The following WWOX variants were observed in gnomAD, a reference collection of about 807,000 sequenced individuals.
WWOX encodes WW domain containing oxidoreductase, also known as WW domain-containing oxidoreductase.
In WWOX, 69 loss-of-function variants were observed where a neutral mutation model predicts 46.2. The ratio of observed to expected loss-of-function variants is 1.49; its 90% CI spans 1.23 to 1.82. The LOEUF is 1.82. Among genes scored for constraint, WWOX ranks in the 40% most tolerant of loss-of-function variants. WWOX has a pLI of 0.00. For missense variants in WWOX, 919 were observed against 542.6 expected (o/e 1.69, Z -6.89); for synonymous variants, 359 against 202.6 (o/e 1.77, Z -6.56).
At chr16:78,943,519 T>C (rs995857886) in intron 8 of WWOX, among the ~76,000 whole-genome samples, 1 of 152,180 alleles carries the variant, frequency 6.6e-6, no homozygotes, top group Non-Finnish European at 1.5e-5. Context: ...CATGGGGTTA[T>C]CGAGCTTTAT....
intron 8 of WWOX, among the ~76,000 whole-genome samples, chr16:78,793,862 G>A (rs746430380): frequency 6.6e-6 from 1 of 151,872 alleles, no homozygotes; most frequent in African/African-American, 2.4e-5. Context: ...AATCATTTGA[G>A]GGCAGGAGTT....
chr16:78,849,255 C>T (rs571644469), intron 8 of WWOX, among the ~76,000 whole-genome samples: 5 of 152,208 alleles, frequency 3.3e-5, no homozygotes, highest in Admixed American at 6.5e-5. Context: ...CTAGAAATTG[C>T]GAAGTCACGA....
At chr16:78,813,624 A>G (rs1456484026) in intron 8 of WWOX, among the ~76,000 whole-genome samples, 2 of 152,056 alleles carry the variant, frequency 1.3e-5, no homozygotes, top group Non-Finnish European at 2.9e-5. Flanking sequence ...TTCATCACGT[A>G]TCCATTGTGT....
chr16:78,767,125 C>T (rs1306388587), intron 8 of WWOX, among the ~76,000 whole-genome samples: 1 of 129,286 alleles, frequency 7.7e-6, no homozygotes, highest in Non-Finnish European at 1.6e-5. Flanking sequence ...TTCTTTCCTT[C>T]CTTCCTTCCA....
intron 3 of WWOX, among the ~76,000 whole-genome samples, chr16:78,114,215 C>T (rs1349686434): frequency 6.6e-6 from 1 of 151,716 alleles, no homozygotes. Context: ...ATCCTCCTAC[C>T]TCAGCCTCCC....
At chr16:78,789,142 C>T (rs1043807960) in intron 8 of WWOX, among the ~76,000 whole-genome samples, 1 of 152,094 alleles carries the variant, frequency 6.6e-6, no homozygotes, top group African/African-American at 2.4e-5. Context: ...GGTGTCACCC[C>T]TCCTCTCGCA....
At chr16:79,156,156 C>T (rs994960241) in intron 8 of WWOX, among the ~76,000 whole-genome samples, 3 of 152,082 alleles carry the variant, frequency 2.0e-5, no homozygotes, top group African/African-American at 4.8e-5. Flanking sequence ...GTAGGTCTAG[C>T]AATTGGAGGT....
At chr16:78,320,406 C>T (rs2080442703) in intron 5 of WWOX, among the ~76,000 whole-genome samples, 1 of 152,194 alleles carries the variant, frequency 6.6e-6, no homozygotes. Flanking sequence ...GACGGTTGAA[C>T]ATGACTGAAC....
At chr16:78,892,468 T>C (rs769895206) in intron 8 of WWOX, among the ~76,000 whole-genome samples, 54 of 152,170 alleles carry the variant, frequency 3.5e-4, no homozygotes, top group African/African-American at 7.7e-4. Flanking sequence ...TACCTCTAGT[T>C]GGAACGGTGG....
intron 8 of WWOX, among the ~76,000 whole-genome samples, chr16:79,074,673 A>C (rs752973549): frequency 2.6e-5 from 4 of 151,888 alleles, no homozygotes; most frequent in Non-Finnish European, 2.9e-5. Flanking sequence ...AAAGAATCTG[A>C]GATATAGTAA....
chr16:78,252,388 G>A (rs2038007112), intron 5 of WWOX, among the ~76,000 whole-genome samples: 1 of 152,144 alleles, frequency 6.6e-6, no homozygotes, highest in Admixed American at 6.6e-5. Context: ...AAGTTAGCTT[G>A]GTAAACATCT....
chr16:78,538,244 A>G (rs2043806572), intron 8 of WWOX, among the ~76,000 whole-genome samples: 1 of 149,254 alleles, frequency 6.7e-6, no homozygotes, highest in Non-Finnish European at 1.5e-5. Context: ...AAAAAAAAAA[A>G]AAGCGGGGCA....
chr16:78,542,573 G>C (rs990749370), intron 8 of WWOX, among the ~76,000 whole-genome samples: 1 of 152,118 alleles, frequency 6.6e-6, no homozygotes, highest in East Asian at 1.9e-4. Context: ...GACCGTGTTC[G>C]CTGGAATTGA....
At chr16:79,079,424 C>G (rs899379625) in intron 8 of WWOX, among the ~76,000 whole-genome samples, 1 of 152,238 alleles carries the variant, frequency 6.6e-6, no homozygotes, top group Admixed American at 6.5e-5. Context: ...ATCCATCCAT[C>G]CATCTAGGCA....
At chr16:79,135,771 A>T (rs962152731) in intron 8 of WWOX, among the ~76,000 whole-genome samples, 1 of 152,190 alleles carries the variant, frequency 6.6e-6, no homozygotes, top group Non-Finnish European at 1.5e-5. Flanking sequence ...TGTAAAAAAA[A>T]TCCTCACCAT....
At position 78,422,794 on chromosome 16, in the gene WWOX, C is replaced by CAT. The variant is rs1250992583; in HGVS notation, c.606-2068_606-2067dup. Among the ~76,000 whole-genome samples, 78 of 101,594 alleles carry CAT rather than the reference C, an allele frequency of 7.7e-4. 8 individuals are homozygous for CAT. The highest frequency in any genetic ancestry group is 5.5e-3 in the African/African-American group (67 of 12,156). The allele number at this position is 101,594 out of a possible 152,430, so 66.6% of individuals were successfully genotyped here. On this transcript the variant is annotated intron_variant, in intron 6 of 8. Coordinates refer to ENST00000566780, the MANE Select transcript of WWOX (RefSeq NM_016373.4). Reference sequence around the variant, plus strand: ...ACACACATATATATATACACACACACATATATATACACACACATATATATA... The same window carrying CAT: ...ACACACATATATATATACACACACACATATATATATACACACACATATATATA...
intron 2 of WWOX, 151 bp from the exon 3 acceptor site, chr16:78,109,627 G>A: frequency 1.3e-6 from 1 of 749,428 alleles, no homozygotes; most frequent in Admixed American, 2.1e-5. Flanking sequence ...TGTCGCAGTT[G>A]GAACATGTGA....
At chr16:79,206,668 C>G (rs1025104358) in intron 8 of WWOX, 14 of 151,980 alleles carry the variant, frequency 9.2e-5, no homozygotes, top group African/African-American at 3.4e-4. Context: ...CATCTCTGTT[C>G]TCGTCTGCTG....
At chr16:78,373,946 C>T (rs1217798077) in intron 5 of WWOX, among the ~76,000 whole-genome samples, 1 of 152,190 alleles carries the variant, frequency 6.6e-6, no homozygotes, top group African/African-American at 2.4e-5. Context: ...GCCACCAGGC[C>T]CGGCCAATTT....
Sources: allele counts gnomAD v4.1 joint callset (sites outside exome capture counted in the v4.1 genomes callset), GRCh38; gene constraint gnomAD v4.1.1; transcripts MANE v1.5; gene names NCBI Gene and HGNC (gene_info 2026-07-23, HGNC 2026-07-21).